The following GTF2B variants were observed in gnomAD, a reference collection of about 807,000 sequenced individuals.
GTF2B encodes the protein transcription initiation factor IIB.
GTF2B carries 20 observed loss-of-function variants against 34.6 expected under a neutral mutation model. That is an observed-to-expected ratio of 0.58 (90% CI 0.41 to 0.84). GTF2B has a LOEUF of 0.84. GTF2B is among the 40% of genes least tolerant of loss of function. The pLI is 0.00. For synonymous variants in GTF2B, 142 were observed against 132.4 expected (o/e 1.07, Z -0.50); for missense variants, 237 against 393.3 (o/e 0.60, Z 3.36).
intron 3 of GTF2B, among the ~76,000 whole-genome samples, chr1:88,861,323 T>A (rs1167554251): frequency 6.6e-6 from 1 of 152,230 alleles, no homozygotes; most frequent in Non-Finnish European, 1.5e-5. Context: ...ATTTTCCCTG[T>A]GTCAATTTGC....
At chr1:88,856,646 T>C (rs1236562709) in intron 6 of GTF2B, among the ~76,000 whole-genome samples, 3 of 152,066 alleles carry the variant, frequency 2.0e-5, no homozygotes, top group Non-Finnish European at 4.4e-5. Context: ...AAAGAACTTG[T>C]AAGAATAAAA....
At chr1:88,870,248 G>A (rs1673660375) in intron 2 of GTF2B, among the ~76,000 whole-genome samples, 1 of 152,228 alleles carries the variant, frequency 6.6e-6, no homozygotes, top group Non-Finnish European at 1.5e-5. Context: ...TCTAAGGTGA[G>A]AGAAACGGTC....
Position 88,891,470 on chromosome 1 carries a change from G to C in GTF2B, c.17+13C>G. ...CGCCCCTCAGCTCGCCGGGCTCGGC[G>C]GGACATACTAACCGGCTGGTAGACG... On this transcript the variant is annotated intron_variant, in intron 1 of 6. Coordinates refer to ENST00000370500, the MANE Select transcript of GTF2B (RefSeq NM_001514.6). 1 of 1,600,610 alleles carries C rather than the reference G, an allele frequency of 6.2e-7. No individual in the cohort carries two copies.
intron 2 of GTF2B, among the ~76,000 whole-genome samples, chr1:88,871,970 T>C (rs969933207): frequency 3.9e-5 from 6 of 151,928 alleles, no homozygotes; most frequent in Non-Finnish European, 8.8e-5. Context: ...TGACCTCAGG[T>C]AGTCCACCCA....
intron 2 of GTF2B, among the ~76,000 whole-genome samples, chr1:88,878,855 C>T (rs976001094): frequency 1.3e-5 from 2 of 152,186 alleles, no homozygotes; most frequent in African/African-American, 4.8e-5. Context: ...TGGAGAAGCC[C>T]TGGAGGATGA....
intron 2 of GTF2B, among the ~76,000 whole-genome samples, chr1:88,867,561 C>T (rs952123249): frequency 1.3e-5 from 2 of 152,064 alleles, no homozygotes; most frequent in East Asian, 3.8e-4. Context: ...AAAAAATCAA[C>T]AAATGTCATC....
In GTF2B at chr1:88,855,931, T is replaced by A. The variant is rs542451335; in HGVS notation, c.817+1275A>T. On this transcript the variant is annotated intron_variant, in intron 6 of 6. Transcript: ENST00000370500. Reference sequence around the variant, plus strand: ...TGCATTTGTTCATGAATAACTTCTGTAATCCTCAAAGACTTAGAAAGGAGT... The same window carrying A: ...TGCATTTGTTCATGAATAACTTCTGAAATCCTCAAAGACTTAGAAAGGAGT... Among the ~76,000 whole-genome samples, 38 of 152,352 alleles carry A rather than the reference T, an allele frequency of 2.5e-4. No individual in the cohort carries two copies. In the East Asian group the frequency reaches 6.7e-3, roughly 27 times the overall value.
intron 2 of GTF2B, among the ~76,000 whole-genome samples, chr1:88,874,886 C>T (rs1202671319): frequency 6.6e-6 from 1 of 151,572 alleles, no homozygotes; most frequent in East Asian, 1.9e-4. Flanking sequence ...TATTATTATT[C>T]AACGTGGACA....
Position 88,853,197 on chromosome 1 carries a change from C to T in GTF2B, c.*16G>A, listed in dbSNP as rs200841270. The T allele has an allele frequency of 2.0e-4, 315 of 1,612,564 alleles. No homozygotes were observed. In the Middle Eastern group the frequency reaches 2.6e-3, roughly 14 times the overall value. On this transcript the variant is annotated 3_prime_UTR_variant, in exon 7 of 7. Transcript: ENST00000370500. ...CAAAGTTTTGTATTCAAGAATTTGA[C>T]GTTAGCTGCCTCAATTTATAGCTGT...
intron 2 of GTF2B, among the ~76,000 whole-genome samples, chr1:88,883,483 G>A (rs1250746189): frequency 2.6e-5 from 4 of 152,040 alleles, no homozygotes; most frequent in African/African-American, 4.8e-5. Flanking sequence ...GGGAGATCAA[G>A]GCAAAAAGAT....
intron 1 of GTF2B, 55 bp from the exon 2 acceptor site, chr1:88,887,422 A>G (rs1674100905): frequency 9.9e-7 from 1 of 1,008,202 alleles, no homozygotes; most frequent in Admixed American, 1.7e-5. Flanking sequence ...TATCAAATTA[A>G]TCTTCTGGGA....
Position 88,857,345 on chromosome 1 carries a change from T to C in GTF2B, c.678A>G (p.Lys226=), listed in dbSNP as rs1398999684. The change falls in exon 6 of 7, where the codon AAA becomes AAG. Residue 226 remains lysine (K), a synonymous_variant. Transcript: ENST00000370500. The part of the protein sequence containing the change: ...SRFCSNLCLP[K]QVQMAATHIA... ...TATGTGTAGCTGCCATCTGTACTTGTTTAGGAAGACAAAGGTTGGAACAGA... is the reference window on the plus strand; with the variant it reads ...TATGTGTAGCTGCCATCTGTACTTGCTTAGGAAGACAAAGGTTGGAACAGA... 1.9e-6 allele frequency: 3 copies of C among 1,613,896 alleles called. No homozygotes were observed. The highest frequency in any genetic ancestry group is 8.5e-7 in the Non-Finnish European group (1 of 1,179,792).
At chr1:88,870,612 A>C (rs1673669187) in intron 2 of GTF2B, among the ~76,000 whole-genome samples, 1 of 152,160 alleles carries the variant, frequency 6.6e-6, no homozygotes, top group South Asian at 2.1e-4. Context: ...CACTTTTAAT[A>C]GACTATTAAT....
At chr1:88,882,080 C>A (rs948029879) in intron 2 of GTF2B, among the ~76,000 whole-genome samples, 19 of 152,004 alleles carry the variant, frequency 1.2e-4, no homozygotes, top group African/African-American at 4.6e-4. Flanking sequence ...GAGGTCGAGG[C>A]AGGTGGAACA....
chr1:88,863,816 TAC>T (rs1235209996), intron 3 of GTF2B, among the ~76,000 whole-genome samples, 163 bp downstream of exon 3: 3 of 152,320 alleles, frequency 2.0e-5, no homozygotes, highest in Admixed American at 6.5e-5. Flanking sequence ...TAAGATGGAA[TAC>T]ACACACAAGT....
chr1:88,863,818 C>T (rs1673493333), intron 3 of GTF2B, among the ~76,000 whole-genome samples, 163 bp downstream of exon 3: 1 of 152,136 alleles, frequency 6.6e-6, no homozygotes, highest in South Asian at 2.1e-4. Context: ...AGATGGAATA[C>T]ACACACAAGT....
At position 88,860,098 on chromosome 1, in the gene GTF2B, G is replaced by A. The variant is rs757227009; in HGVS notation, c.405+42C>T. 6.2e-6 allele frequency: 10 copies of A among 1,612,016 alleles called. No homozygotes were observed. In the African/African-American group the frequency reaches 6.7e-5, roughly 11 times the overall value. ...TCATGTGTTCATTAAATTATGCAAA[G>A]TCAATGCCAGAATGGCTTAAAGGAG... On this transcript the variant is annotated intron_variant, in intron 4 of 6. Transcript: ENST00000370500.
chr1:88,854,801 A>AC (rs1673266270), intron 6 of GTF2B, among the ~76,000 whole-genome samples: 1 of 152,112 alleles, frequency 6.6e-6, no homozygotes, highest in Non-Finnish European at 1.5e-5. Context: ...TGGCCTAAAC[A>AC]CCTTTTAATA....
chr1:88,872,112 A>T (rs921543225), intron 2 of GTF2B, among the ~76,000 whole-genome samples: 1 of 152,146 alleles, frequency 6.6e-6, no homozygotes, highest in African/African-American at 2.4e-5. Context: ...TATTTCAGCA[A>T]TTGTCACAGA....
Sources: allele counts gnomAD v4.1 joint callset (sites outside exome capture counted in the v4.1 genomes callset), GRCh38; gene constraint gnomAD v4.1.1; transcripts MANE v1.5; gene names NCBI Gene and HGNC (gene_info 2026-07-23, HGNC 2026-07-21).